Variants in TEX36 observed in about 807,000 individuals in gnomAD.
The protein encoded by TEX36 is testis-expressed protein 36.
TEX36 carries 12 observed loss-of-function variants against 13.6 expected under a neutral mutation model. That is an observed-to-expected ratio of 0.88 (90% CI 0.56 to 1.43). The LOEUF (loss-of-function observed/expected upper bound fraction) is 1.43. Ranked by LOEUF, TEX36 falls within the 40% of genes most tolerant of loss-of-function variation. TEX36 has a pLI of 0.00. For synonymous variants in TEX36, 93 were observed against 83.0 expected (o/e 1.12, Z -0.65); for missense variants, 224 against 228.3 (o/e 0.98, Z 0.12).
At chr10:125,577,454 GCACCAGTGCACTCCAGCCTGGGGTA>G (rs1270960270) in intron 3 of TEX36, among the ~76,000 whole-genome samples, 1 of 152,200 alleles carries the variant, frequency 6.6e-6, no homozygotes, top group African/African-American at 2.4e-5. Flanking sequence ...AGCTGAGATT[GCACCAGTGCACTCCAGCCTGGGGTA>G]CAGAGTGAGA....
chr10:125,668,372 T>C (rs768029590), intron 1 of TEX36, among the ~76,000 whole-genome samples: 2 of 152,150 alleles, frequency 1.3e-5, no homozygotes, highest in Non-Finnish European at 2.9e-5. Flanking sequence ...CAGATTTTCA[T>C]TCCTTCCTGA....
chr10:125,673,872 C>T lies in TEX36; in HGVS notation c.51+9067G>A, dbSNP rs115780365. On this transcript the variant is annotated intron_variant, in intron 1 of 3. Transcript: ENST00000368821. The stretch of plus-strand genomic sequence containing the variant: ...CTTAACATTTTTTCCTTCATTTCCA[C>T]GTTGGAGAATCTGATGATTATGTGT... 1.6e-3 allele frequency among the ~76,000 whole-genome samples: 249 copies of T among 152,128 alleles called. 3 individuals are homozygous for T. The highest frequency in any genetic ancestry group is 5.8e-3 in the African/African-American group (239 of 41,470).
At chr10:125,680,214 A>T (rs1004491723) in intron 1 of TEX36, among the ~76,000 whole-genome samples, 4 of 152,156 alleles carry the variant, frequency 2.6e-5, no homozygotes, top group Admixed American at 2.6e-4. Flanking sequence ...GACTGAGTCA[A>T]CACTTCCCTC....
At chr10:125,611,707 A>G (rs1589753903) in intron 3 of TEX36, among the ~76,000 whole-genome samples, 2 of 152,134 alleles carry the variant, frequency 1.3e-5, no homozygotes, top group East Asian at 3.9e-4. Flanking sequence ...AATGAGCAGA[A>G]GCTTTAAATG....
At chr10:125,675,539 G>A (rs1169869400) in intron 1 of TEX36, among the ~76,000 whole-genome samples, 1 of 152,188 alleles carries the variant, frequency 6.6e-6, no homozygotes, top group Non-Finnish European at 1.5e-5. Context: ...GGCTCATGAG[G>A]GGGATCTCCT....
downstream of TEX36, among the ~76,000 whole-genome samples, chr10:125,617,169 C>G (rs1846371297): frequency 6.6e-6 from 1 of 151,648 alleles, no homozygotes; most frequent in South Asian, 2.1e-4. Flanking sequence ...TTATTTTGAG[C>G]CTATGTGTGT....
rs190341027 is a variant in TEX36, at chr10:125,604,923, C to G, written c.265-28049G>C. ...AATAACCTCAGGGCTCCCACCGATTCTACATGATGGTGAGTTGCATAATTA... is the reference window on the plus strand; with the variant it reads ...AATAACCTCAGGGCTCCCACCGATTGTACATGATGGTGAGTTGCATAATTA... On this transcript the variant is annotated intron_variant, in intron 3 of 3. Transcript: ENST00000532135. Among the ~76,000 whole-genome samples, 249 of 152,112 alleles carry G rather than the reference C, an allele frequency of 1.6e-3. 2 individuals carry two copies. The highest frequency in any genetic ancestry group is 0.015 in the Admixed American group (229 of 15,264).
chr10:125,667,982 A>G (rs1304667698), intron 1 of TEX36: 2 of 814,750 alleles, frequency 2.5e-6, no homozygotes, highest in Admixed American at 1.9e-5. Flanking sequence ...CAGTGCTTCA[A>G]AGGAAATTTC....
At chr10:125,579,850 C>T (rs111657768) in intron 3 of TEX36, among the ~76,000 whole-genome samples, 1 of 152,096 alleles carries the variant, frequency 6.6e-6, no homozygotes, top group South Asian at 2.1e-4. Flanking sequence ...GCCATGCTTC[C>T]TGTACAGCCT....
intron 3 of TEX36, 94 bp from the exon 4 acceptor site, chr10:125,656,290 T>C: frequency 8.3e-7 from 1 of 1,210,082 alleles, no homozygotes; most frequent in Non-Finnish European, 1.1e-6. Context: ...AGAGTCTTGC[T>C]CTGTCACCCA....
intron 3 of TEX36, among the ~76,000 whole-genome samples, chr10:125,593,180 C>T (rs1846042802): frequency 6.6e-6 from 1 of 152,226 alleles, no homozygotes; most frequent in African/African-American, 2.4e-5. Context: ...CCTGGGGCTG[C>T]CCAAGGGCCC....
At chr10:125,600,963 C>T (rs1846138678) in intron 3 of TEX36, among the ~76,000 whole-genome samples, 1 of 152,206 alleles carries the variant, frequency 6.6e-6, no homozygotes, top group Non-Finnish European at 1.5e-5. Flanking sequence ...AGAGCAATTG[C>T]TAAAGAATAC....
intron 1 of TEX36, among the ~76,000 whole-genome samples, chr10:125,663,924 A>C (rs1391164767): frequency 6.6e-6 from 1 of 152,154 alleles, no homozygotes; most frequent in Non-Finnish European, 1.5e-5. Context: ...CCCCCCTGTC[A>C]TGCTATCAAC....
chr10:125,595,051 G>A (rs1236756754), intron 3 of TEX36, among the ~76,000 whole-genome samples: 1 of 152,120 alleles, frequency 6.6e-6, no homozygotes, highest in African/African-American at 2.4e-5. Flanking sequence ...TTAGAAGAAA[G>A]CGTTGATGTA....
chr10:125,614,847 C>T (rs1846337197), intron 3 of TEX36, among the ~76,000 whole-genome samples: 2 of 152,150 alleles, frequency 1.3e-5, no homozygotes, highest in Non-Finnish European at 1.5e-5. Flanking sequence ...ATGGGGATGG[C>T]ATTGAATCTG....
intron 3 of TEX36, among the ~76,000 whole-genome samples, chr10:125,610,770 A>G (rs1846279350): frequency 6.6e-6 from 1 of 152,110 alleles, no homozygotes; most frequent in South Asian, 2.1e-4. Flanking sequence ...ATATGATGCT[A>G]TATTTTCTTC....
chr10:125,654,925 A>G (rs1177776482), downstream of TEX36, among the ~76,000 whole-genome samples: 1 of 152,144 alleles, frequency 6.6e-6, no homozygotes, highest in African/African-American at 2.4e-5. Flanking sequence ...GAGTCTATCT[A>G]CTCCAGAGGT....
intron 1 of TEX36, among the ~76,000 whole-genome samples, chr10:125,666,392 G>C (rs1847122163): frequency 6.6e-6 from 1 of 152,160 alleles, no homozygotes; most frequent in Non-Finnish European, 1.5e-5. Context: ...AGTTTGTTGA[G>C]AGTGTTTATC....
chr10:125,624,052 T>C (rs949835355), intron 3 of TEX36, among the ~76,000 whole-genome samples: 6 of 152,236 alleles, frequency 3.9e-5, no homozygotes, highest in Non-Finnish European at 8.8e-5. Context: ...ATGTCTCTGC[T>C]TTCAGATTTA....
Sources: allele counts gnomAD v4.1 joint callset (sites outside exome capture counted in the v4.1 genomes callset), GRCh38; gene constraint gnomAD v4.1.1; transcripts MANE v1.5; gene names NCBI Gene and HGNC (gene_info 2026-07-23, HGNC 2026-07-21).